The following GRB10 variants were observed in gnomAD, a reference collection of about 807,000 sequenced individuals.
GRB10 encodes growth factor receptor bound protein 10, also known as growth factor receptor-bound protein 10.
In GRB10, 20 loss-of-function variants were observed where a neutral mutation model predicts 80.9. That is an observed-to-expected ratio of 0.25 (90% CI 0.17 to 0.36). The LOEUF (loss-of-function observed/expected upper bound fraction) is 0.36, where lower values mean the gene tolerates loss of function less well. Among genes scored for constraint, GRB10 ranks in the 10% least tolerant of loss-of-function variants. The pLI, the probability that GRB10 is intolerant of heterozygous loss-of-function variation, is 1.00. For missense variants in GRB10, 548 were observed against 747.7 expected (o/e 0.73, Z 3.12); for synonymous variants, 291 against 291.5 (o/e 1.00, Z 0.02).
At chr7:50,595,346 C>T in intron 18 of GRB10, 91 bp downstream of exon 18, 2 of 786,336 alleles carry the variant, frequency 2.5e-6, no homozygotes, top group Non-Finnish European at 4.6e-6. Flanking sequence ...CTGATACTTA[C>T]CGGTCTTGTC....
At chr7:50,599,756 C>T (rs1448154968) in intron 17 of GRB10, among the ~76,000 whole-genome samples, 5 of 152,126 alleles carry the variant, frequency 3.3e-5, no homozygotes, top group East Asian at 1.9e-4. Context: ...GTTTCTGATC[C>T]GAGAAAAATT....
chr7:50,676,335 C>CG lies in GRB10; in HGVS notation c.140-1678dup, dbSNP rs3040026. On this transcript the variant is annotated intron_variant, in intron 5 of 18. Coordinates refer to ENST00000401949, the MANE Select transcript of GRB10 (RefSeq NM_001350814.2). ...AGCTTAGCAATAGTGTCCACCCCACCGGGGGGGGGGGGGGGTTGTAAGGAC... is the reference window on the plus strand; with the variant it reads ...AGCTTAGCAATAGTGTCCACCCCACCGGGGGGGGGGGGGGGGTTGTAAGGAC... Among the ~76,000 whole-genome samples the CG allele has an allele frequency of 4.1e-3, 378 of 93,140 alleles. 5 individuals carry two copies. Among genetic ancestry groups the CG allele is most frequent in the South Asian group, 0.019 (41 of 2,166 alleles). The allele number at this position is 93,140 out of a possible 152,430, so 61.1% of individuals were successfully genotyped here.
At chr7:50,792,564 T>C (rs2078972732) in intron 1 of GRB10, 5 of 398,188 alleles carry the variant, frequency 1.3e-5, no homozygotes. Context: ...TCTTATCACA[T>C]TTCCACGGCT....
intron 4 of GRB10, among the ~76,000 whole-genome samples, chr7:50,726,489 A>G (rs2068675614): frequency 6.6e-6 from 1 of 152,188 alleles, no homozygotes; most frequent in Non-Finnish European, 1.5e-5. Flanking sequence ...TTAAGCCCAT[A>G]CTTGAGGATG....
At chr7:50,765,696 C>T (rs1048644386) in intron 2 of GRB10, among the ~76,000 whole-genome samples, 3 of 152,108 alleles carry the variant, frequency 2.0e-5, no homozygotes, top group Non-Finnish European at 2.9e-5. Context: ...TATATGGTCA[C>T]CTTATTGATT....
chr7:50,749,336 C>T (rs1322154500), intron 3 of GRB10, among the ~76,000 whole-genome samples: 2 of 151,928 alleles, frequency 1.3e-5, no homozygotes, highest in Non-Finnish European at 2.9e-5. Context: ...ATCATGTTGG[C>T]CAGGCTGATC....
chr7:50,645,069 G>A (rs984093797), intron 7 of GRB10, among the ~76,000 whole-genome samples: 1 of 152,092 alleles, frequency 6.6e-6, no homozygotes, highest in South Asian at 2.1e-4. Flanking sequence ...ATCATTTAGG[G>A]CTATAATTTT....
intron 2 of GRB10, among the ~76,000 whole-genome samples, chr7:50,767,377 T>C (rs897234804): frequency 1.3e-5 from 2 of 152,002 alleles, no homozygotes; most frequent in African/African-American, 4.8e-5. Context: ...ACTTAACAAC[T>C]GCAGGGAGTC....
At chr7:50,763,602 A>G (rs2076013876) in intron 2 of GRB10, among the ~76,000 whole-genome samples, 1 of 152,242 alleles carries the variant, frequency 6.6e-6, no homozygotes, top group Non-Finnish European at 1.5e-5. Context: ...AAAAACTGGA[A>G]GCAACCTAAA....
chr7:50,628,762 C>T (rs1442585370), intron 7 of GRB10, among the ~76,000 whole-genome samples: 1 of 152,202 alleles, frequency 6.6e-6, no homozygotes, highest in African/African-American at 2.4e-5. Context: ...TGGATCAGGA[C>T]CCAGAGACTT....
intron 7 of GRB10, among the ~76,000 whole-genome samples, chr7:50,655,988 G>A (rs2058606072): frequency 6.6e-6 from 1 of 152,194 alleles, no homozygotes; most frequent in Non-Finnish European, 1.5e-5. Context: ...GATTAGCATT[G>A]GTTTCTCTCA....
Position 50,604,011 on chromosome 7 carries a change from C to G in GRB10, c.1531G>C (p.Gly511Arg). The change falls in exon 17 of 19, where the codon GGG (glycine) becomes CGG (arginine). Residue 511 changes from glycine to arginine, a missense_variant. By Grantham distance (125) the Gly-to-Arg change is moderately radical. Coordinates refer to ENST00000401949, the MANE Select transcript of GRB10 (RefSeq NM_001350814.2). ...EESHRIIKQQ[G>R]LVDGLFLLRD... ...GTGGTTCCTTACCCATCCACGAGCC[C>G]TTGCTGTTTAATGATCCTGTGGGAT... is the stretch of plus-strand genomic sequence containing the variant. The G allele has an allele frequency of 6.2e-7, 1 of 1,613,256 alleles. No homozygotes were observed. The highest frequency in any genetic ancestry group is 8.5e-7 in the Non-Finnish European group (1 of 1,179,100).
At chr7:50,790,727 T>C (rs1177261466) in intron 1 of GRB10, among the ~76,000 whole-genome samples, 1 of 152,260 alleles carries the variant, frequency 6.6e-6, no homozygotes, top group Non-Finnish European at 1.5e-5. Flanking sequence ...GGAAATAGAT[T>C]CCATTCCTTA....
At chr7:50,648,642 C>T (rs1436682023) in intron 7 of GRB10, among the ~76,000 whole-genome samples, 1 of 152,096 alleles carries the variant, frequency 6.6e-6, no homozygotes, top group Non-Finnish European at 1.5e-5. Flanking sequence ...GGGGACTTTC[C>T]AGTTGACCAC....
At chr7:50,710,483 A>C (rs1223741852) in intron 4 of GRB10, among the ~76,000 whole-genome samples, 1 of 152,214 alleles carries the variant, frequency 6.6e-6, no homozygotes, top group Non-Finnish European at 1.5e-5. Flanking sequence ...AAACACTACA[A>C]GATGCACAAG....
chr7:50,640,389 T>C (rs1319309222), intron 7 of GRB10, among the ~76,000 whole-genome samples: 1 of 152,186 alleles, frequency 6.6e-6, no homozygotes, highest in African/African-American at 2.4e-5. Context: ...GAGGTAATCT[T>C]CAGATGGGTG....
At chr7:50,618,722 G>A (rs1373038466) in intron 9 of GRB10, among the ~76,000 whole-genome samples, 1 of 152,232 alleles carries the variant, frequency 6.6e-6, no homozygotes, top group Non-Finnish European at 1.5e-5. Flanking sequence ...AGAAAGAAAA[G>A]AGAGATCAAG....
intron 4 of GRB10, 147 bp downstream of exon 4, chr7:50,732,125 A>T: frequency 1.2e-6 from 1 of 802,142 alleles, no homozygotes. Flanking sequence ...GGGCCTCTGC[A>T]CCATGGGACT....
intron 7 of GRB10, among the ~76,000 whole-genome samples, chr7:50,650,533 A>T (rs1321659305): frequency 6.6e-6 from 1 of 152,248 alleles, no homozygotes; most frequent in African/African-American, 2.4e-5. Context: ...CCATGGAGGA[A>T]GGAAAAGAAA....
Sources: gnomAD v4.1 joint callset for allele counts (sites outside exome capture counted in the v4.1 genomes callset) on GRCh38, gnomAD v4.1.1 for gene constraint, MANE v1.5 for transcripts, NCBI Gene and HGNC (gene_info 2026-07-23, HGNC 2026-07-21) for gene names.